The following SH3RF3 variants were observed in gnomAD, a reference collection of about 807,000 sequenced individuals.
The protein encoded by SH3RF3 is E3 ubiquitin-protein ligase SH3RF3.
In SH3RF3, 29 loss-of-function variants were observed where a neutral mutation model predicts 66.3. The observed-to-expected ratio is 0.44, with a 90% CI of 0.33 to 0.60. The LOEUF (loss-of-function observed/expected upper bound fraction) is 0.60. SH3RF3 is among the 20% of genes least tolerant of loss of function. SH3RF3 has a pLI of 0.04. For synonymous variants in SH3RF3, 583 were observed against 532.0 expected (o/e 1.10, Z -1.32); for missense variants, 1,194 against 1,190.9 (o/e 1.00, Z -0.04).
At chr2:109,477,810 C>T (rs781535842) in intron 8 of SH3RF3, among the ~76,000 whole-genome samples, 4 of 152,184 alleles carry the variant, frequency 2.6e-5, no homozygotes, top group Admixed American at 1.3e-4. Context: ...GGAGCTCTCA[C>T]GACCCGATCA....
chr2:109,296,870 T>C (rs1342335521), intron 1 of SH3RF3, among the ~76,000 whole-genome samples: 1 of 152,208 alleles, frequency 6.6e-6, no homozygotes, highest in Non-Finnish European at 1.5e-5. Flanking sequence ...AGCACTGCTA[T>C]AGCATTGCCA....
At chr2:109,206,029 A>G (rs746678069) in intron 1 of SH3RF3, among the ~76,000 whole-genome samples, 5 of 152,170 alleles carry the variant, frequency 3.3e-5, no homozygotes, top group Non-Finnish European at 7.3e-5. Context: ...AACCTGGTGA[A>G]CTGTCACTTG....
chr2:109,339,393 A>G (rs1682504903), intron 1 of SH3RF3, among the ~76,000 whole-genome samples: 1 of 152,098 alleles, frequency 6.6e-6, no homozygotes, highest in African/African-American at 2.4e-5. Context: ...CTCTGCCTTT[A>G]GTCCCCTCCT....
chr2:109,195,944 G>A (rs957158885), intron 1 of SH3RF3, among the ~76,000 whole-genome samples: 1 of 152,192 alleles, frequency 6.6e-6, no homozygotes, highest in Non-Finnish European at 1.5e-5. Flanking sequence ...GCCCTGCAGC[G>A]AGAAGGGCCA....
At chr2:109,433,353 T>TA (rs1451892347) in intron 6 of SH3RF3, among the ~76,000 whole-genome samples, 1 of 152,274 alleles carries the variant, frequency 6.6e-6, no homozygotes, top group African/African-American at 2.4e-5. Flanking sequence ...CAGTGTTTAA[T>TA]AAGTTCTCAG....
chr2:109,244,053 G>A (rs955825626), intron 1 of SH3RF3, among the ~76,000 whole-genome samples: 17 of 152,314 alleles, frequency 1.1e-4, no homozygotes, highest in Admixed American at 9.2e-4. Context: ...TAATTGTAGC[G>A]AGGGTATTTT....
chr2:109,467,169 C>T lies in SH3RF3; in HGVS notation c.2148+17680C>T, dbSNP rs550469421. Among the ~76,000 whole-genome samples, 4 of 152,378 alleles carry T rather than the reference C, an allele frequency of 2.6e-5. No individual in the cohort carries two copies. The South Asian group carries it at 8.3e-4, about 32-fold the overall frequency. On this transcript the variant is annotated intron_variant, in intron 8 of 9. Coordinates refer to ENST00000309415, the MANE Select transcript of SH3RF3 (RefSeq NM_001099289.3). ...GGAGAAGCAGACACACAGGCCTACA[C>T]AAAGGCTCCTGCATGAGGGATCCGT...
In SH3RF3 at chr2:109,501,596, C is replaced by T. The variant is rs540598278; in HGVS notation, c.2574C>T (p.Asp858=). 223 of 779,474 alleles carry T rather than the reference C, an allele frequency of 2.9e-4. 1 individual carries two copies. Among genetic ancestry groups the T allele is most frequent in the Non-Finnish European group, 2.2e-4 (91 of 417,480 alleles). The allele number at this position is 779,474 out of a possible 1,614,324, so 48.3% of individuals were successfully genotyped here. A position where few individuals can be genotyped will look rare whatever the true frequency, so the allele number is the denominator to read the frequency against. Residue 858 remains aspartate (D), a synonymous_variant, in exon 10 of 10, where the codon GAC becomes GAT. Coordinates refer to ENST00000309415, the MANE Select transcript of SH3RF3 (RefSeq NM_001099289.3). ...DIVFVHKKRE[D]GWYKGTLQRN... Reference sequence around the variant, plus strand: ...TCTTTGTGCACAAGAAGCGTGAGGACGGCTGGTACAAGGGGACCCTGCAGC... The same window carrying T: ...TCTTTGTGCACAAGAAGCGTGAGGATGGCTGGTACAAGGGGACCCTGCAGC...
At chr2:109,298,501 G>A (rs1240408444) in intron 1 of SH3RF3, among the ~76,000 whole-genome samples, 1 of 152,102 alleles carries the variant, frequency 6.6e-6, no homozygotes, top group Non-Finnish European at 1.5e-5. Flanking sequence ...GGATGATTTA[G>A]GTCACTTTGC....
intron 1 of SH3RF3, among the ~76,000 whole-genome samples, chr2:109,135,398 C>T (rs146300255): frequency 5.6e-4 from 86 of 152,276 alleles, no homozygotes; most frequent in African/African-American, 1.9e-3. Flanking sequence ...CCATCTGCCC[C>T]GGGGCAAATG....
At chr2:109,189,144 G>C (rs1002896309) in intron 1 of SH3RF3, among the ~76,000 whole-genome samples, 1 of 151,970 alleles carries the variant, frequency 6.6e-6, no homozygotes, top group Admixed American at 6.5e-5. Flanking sequence ...CCCAGGCTGT[G>C]ACCTCGCTGA....
At chr2:109,499,033 G>A (rs1679324393) in intron 9 of SH3RF3, among the ~76,000 whole-genome samples, 2 of 152,270 alleles carry the variant, frequency 1.3e-5, no homozygotes, top group South Asian at 4.1e-4. Context: ...TGAGAGGGAT[G>A]GGGACTGCTG....
intron 1 of SH3RF3, among the ~76,000 whole-genome samples, chr2:109,232,732 G>A (rs1330370384): frequency 6.6e-6 from 1 of 152,190 alleles, no homozygotes; most frequent in Non-Finnish European, 1.5e-5. Context: ...GGAACCAGGA[G>A]CTCTATGAGC....
intron 1 of SH3RF3, among the ~76,000 whole-genome samples, chr2:109,134,493 T>G (rs1396785443): frequency 6.6e-6 from 1 of 152,136 alleles, no homozygotes; most frequent in Non-Finnish European, 1.5e-5. Context: ...AAATTATTAT[T>G]TATTGAGCAC....
At chr2:109,298,431 A>T (rs1339567657) in intron 1 of SH3RF3, among the ~76,000 whole-genome samples, 1 of 152,110 alleles carries the variant, frequency 6.6e-6, no homozygotes, top group Non-Finnish European at 1.5e-5. Flanking sequence ...TCTGTGGGTC[A>T]TTGAAGGAGG....
chr2:109,397,827 C>T (rs1213746474), intron 3 of SH3RF3, among the ~76,000 whole-genome samples: 2 of 152,216 alleles, frequency 1.3e-5, no homozygotes, highest in Admixed American at 6.5e-5. Context: ...TGGACTTGAA[C>T]CTTCATGCCA....
intron 1 of SH3RF3, among the ~76,000 whole-genome samples, chr2:109,339,612 G>A (rs978107151): frequency 6.6e-6 from 1 of 152,158 alleles, no homozygotes; most frequent in African/African-American, 2.4e-5. Context: ...AGGGGTTGCC[G>A]GTAGCGAGGC....
chr2:109,186,701 C>T (rs1437463033), intron 1 of SH3RF3, among the ~76,000 whole-genome samples: 3 of 152,132 alleles, frequency 2.0e-5, no homozygotes, highest in African/African-American at 7.2e-5. Context: ...TCAAAGGAGC[C>T]ACACACACAG....
intron 2 of SH3RF3, among the ~76,000 whole-genome samples, chr2:109,369,863 T>C (rs551985666): frequency 1.3e-3 from 192 of 152,352 alleles, no homozygotes; most frequent in African/African-American, 4.5e-3. Flanking sequence ...TCTCTCCCTC[T>C]GACCCCAAAA....
Sources: gnomAD v4.1 joint callset for allele counts (sites outside exome capture counted in the v4.1 genomes callset) on GRCh38, gnomAD v4.1.1 for gene constraint, MANE v1.5 for transcripts, NCBI Gene and HGNC (gene_info 2026-07-23, HGNC 2026-07-21) for gene names.